The following CFAP46 variants were observed in gnomAD, a reference collection of about 807,000 sequenced individuals.
CFAP46 encodes the protein cilia and flagella associated protein 46, also known as cilia- and flagella-associated protein 46.
CFAP46 carries 245 observed loss-of-function variants against 325.7 expected under a neutral mutation model. That is an observed-to-expected ratio of 0.75 (90% CI 0.68 to 0.84). The LOEUF (loss-of-function observed/expected upper bound fraction) is 0.84, where lower values mean the gene tolerates loss of function less well. CFAP46 is among the 40% of genes least tolerant of loss of function. The pLI is 0.00. For synonymous variants in CFAP46, 1,523 were observed against 1,495.9 expected (o/e 1.02, Z -0.42); for missense variants, 3,346 against 3,543.0 (o/e 0.94, Z 1.41).
intron 3 of CFAP46, 149 bp from the exon 4 acceptor site, chr10:132,941,209 C>T: frequency 3.7e-6 from 3 of 812,982 alleles, no homozygotes; most frequent in South Asian, 3.2e-5. Context: ...CAGACACAGC[C>T]TGAGTGTCGT....
At chr10:132,822,778 G>T (rs1847899185) in intron 50 of CFAP46, among the ~76,000 whole-genome samples, 1 of 137,702 alleles carries the variant, frequency 7.3e-6, no homozygotes, top group Non-Finnish European at 1.6e-5. Context: ...TGCTGTGTGT[G>T]CACTTGTGTG....
chr10:132,890,242 C>T (rs558359583), intron 25 of CFAP46, among the ~76,000 whole-genome samples: 2 of 152,146 alleles, frequency 1.3e-5, no homozygotes, highest in African/African-American at 2.4e-5. Context: ...CTCCTCTGCC[C>T]GAGCCACGTA....
chr10:132,917,371 G>A (rs1174719357), intron 16 of CFAP46, among the ~76,000 whole-genome samples: 2 of 152,228 alleles, frequency 1.3e-5, no homozygotes, highest in Non-Finnish European at 2.9e-5. Context: ...CAGCGCGGTG[G>A]CTGCGAGCTC....
chr10:132,919,197 C>CA lies in CFAP46; in HGVS notation c.1858+117dup. 9.2e-7 allele frequency: 1 copy of CA among 1,086,768 alleles called. No individual in the cohort carries two copies. The highest frequency in any genetic ancestry group is 1.3e-6 in the Non-Finnish European group (1 of 789,812). The allele number at this position is 1,086,768 out of a possible 1,614,324, so 67.3% of individuals were successfully genotyped here. A position where few individuals can be genotyped will look rare whatever the true frequency, so the allele number is the denominator to read the frequency against. ...GGGAACTGCTACCATTGTGACTTAG[C>CA]AATACGCTTTCTCATGCGAAGGCCC... On this transcript the variant is annotated intron_variant, in intron 15 of 57. Transcript: ENST00000368586. This position sits in a 1 kb window ranked among gnomAD's most constrained non-coding sequence, Gnocchi z 9.7.
intron 50 of CFAP46, among the ~76,000 whole-genome samples, chr10:132,819,502 T>C (rs1009022937): frequency 2.0e-5 from 3 of 152,186 alleles, no homozygotes; most frequent in African/African-American, 7.2e-5. Flanking sequence ...GCAACAAAGC[T>C]ATAGTAATCA....
intron 24 of CFAP46, among the ~76,000 whole-genome samples, chr10:132,897,485 CCGCATAT>C (rs1306084471): frequency 2.6e-5 from 4 of 152,240 alleles, no homozygotes; most frequent in African/African-American, 7.2e-5. Context: ...TTGGTAGGAA[CCGCATAT>C]CTAGGTCAGC....
rs759347786 is a variant in CFAP46 at position 132,886,750 on chromosome 10, C to T, written c.3305-791G>A. ...TTTACCTCAAGGATTCCAAGAGCCC[C>T]GGGAGATCCAAAACATCAAACCAAG... On this transcript the variant is annotated intron_variant, in intron 25 of 57. Transcript: ENST00000368586. This position sits in a 1 kb window ranked among gnomAD's most constrained non-coding sequence, Gnocchi z 5.8. 5.3e-5 allele frequency among the ~76,000 whole-genome samples: 8 copies of T among 152,274 alleles called. No homozygotes were observed. Among genetic ancestry groups the T allele is most frequent in the African/African-American group, 9.6e-5 (4 of 41,546 alleles).
intron 44 of CFAP46, among the ~76,000 whole-genome samples, chr10:132,837,438 C>T (rs961822815): frequency 1.3e-5 from 2 of 151,244 alleles, no homozygotes; most frequent in Admixed American, 6.6e-5. Flanking sequence ...GACACCCACC[C>T]GTGCATAGAC....
intron 27 of CFAP46, among the ~76,000 whole-genome samples, chr10:132,881,648 C>T (rs1849044499): frequency 6.6e-6 from 1 of 151,926 alleles, no homozygotes; most frequent in Admixed American, 6.6e-5. Context: ...CCGGGGTTAG[C>T]CTGCACCGCA....
rs752735905 is a variant in CFAP46, at chr10:132,885,802, C to A, written c.3443+19G>T. The A allele has an allele frequency of 6.6e-7, 1 of 1,521,944 alleles. No homozygotes were observed. Among genetic ancestry groups the A allele is most frequent in the East Asian group, 2.5e-5 (1 of 40,466 alleles). The allele number at this position is 1,521,944 out of a possible 1,614,324, so 94.3% of individuals were successfully genotyped here. ...AGGCGGTGGAGGGAGCACTCACAGG[C>A]GGTGGGGGGAGCACTCACAGGCGGT... is the stretch of plus-strand genomic sequence containing the variant. On this transcript the variant is annotated intron_variant, in intron 26 of 57. Coordinates refer to ENST00000368586, the MANE Select transcript of CFAP46 (RefSeq NM_001200049.3).
chr10:132,860,705 C>T lies in CFAP46; in HGVS notation c.5091+77G>A, dbSNP rs141986967. 2.2e-4 allele frequency: 317 copies of T among 1,457,870 alleles called. No individual in the cohort carries two copies. In the African/African-American group the frequency reaches 3.8e-3, roughly 17 times the overall value. The allele number at this position is 1,457,870 out of a possible 1,614,324, so 90.3% of individuals were successfully genotyped here. Reference sequence around the variant, plus strand: ...TCATCAGCGGTCTGCCAGGCAGAGCCCCATGGACGCCCTTCCTCTCCACCA... The same window carrying T: ...TCATCAGCGGTCTGCCAGGCAGAGCTCCATGGACGCCCTTCCTCTCCACCA... On this transcript the variant is annotated intron_variant, in intron 36 of 57. Coordinates refer to ENST00000368586, the MANE Select transcript of CFAP46 (RefSeq NM_001200049.3).
intron 45 of CFAP46, 35 bp downstream of exon 45, chr10:132,836,782 C>A: frequency 1.3e-6 from 2 of 1,575,576 alleles, no homozygotes; most frequent in Non-Finnish European, 8.7e-7. Context: ...TCTCAGCGGG[C>A]TGGGGGCGGC....
chr10:132,925,330 C>T (rs2135641819), intron 10 of CFAP46, among the ~76,000 whole-genome samples: 1 of 152,388 alleles, frequency 6.6e-6, no homozygotes, highest in Admixed American at 6.5e-5. Context: ...CTGGACCGCC[C>T]ACCGTCCTGG....
intron 50 of CFAP46, among the ~76,000 whole-genome samples, chr10:132,822,485 C>CACT (rs1170024334): frequency 2.5e-4 from 26 of 105,728 alleles, no homozygotes; most frequent in South Asian, 3.4e-4. Flanking sequence ...GCTGTGTGTG[C>CACT]TGTGTGTGCT....
chr10:132,922,433 T>C lies in CFAP46; in HGVS notation c.1485+47A>G, dbSNP rs767619320. The C allele has an allele frequency of 2.9e-5, 44 of 1,500,298 alleles. No individual in the cohort carries two copies. The Middle Eastern group carries it at 7.0e-4, about 24-fold the overall frequency. 92.9% of individuals were successfully genotyped at this position (1,500,298 alleles called of 1,614,324 possible). A position where few individuals can be genotyped will look rare whatever the true frequency, so the allele number is the denominator to read the frequency against. Reference sequence around the variant, plus strand: ...CCCTCAGAGCCCCGCCCCGGCCCCATGCTGGGGCTGCAGCACCCAGCCTCC... The same window carrying C: ...CCCTCAGAGCCCCGCCCCGGCCCCACGCTGGGGCTGCAGCACCCAGCCTCC... On this transcript the variant is annotated intron_variant, in intron 12 of 57. Transcript: ENST00000368586.
rs557072596 is a variant in CFAP46, at chr10:132,876,845, G to A, written c.4329C>T (p.Asp1443=). The change falls in exon 31 of 58, where the codon GAC becomes GAT. Residue 1443 remains aspartate, a synonymous_variant. Transcript: ENST00000368586. This position sits in a 1 kb window ranked among gnomAD's most constrained non-coding sequence, Gnocchi z 4.1. Reference sequence around the variant, plus strand: ...GGATACTTGAGGGGTTCACAGTAGAGTCACTTCTGTCCTGTTTCAGTACAG... The same window carrying A: ...GGATACTTGAGGGGTTCACAGTAGAATCACTTCTGTCCTGTTTCAGTACAG... ...VLSVLKQDRS[D]STVNPSSIQK... is the part of the protein sequence containing the mutation. The A allele has an allele frequency of 3.2e-6, 5 of 1,550,328 alleles. No individual in the cohort carries two copies. The highest frequency in any genetic ancestry group is 2.4e-5 in the South Asian group (2 of 84,032).
At chr10:132,833,635 G>T in intron 49 of CFAP46, 110 bp from the exon 50 acceptor site, 3 of 1,216,072 alleles carry the variant, frequency 2.5e-6, no homozygotes, top group Non-Finnish European at 3.5e-6. Context: ...AAGGCTGGCA[G>T]CCCGCCTTGA....
rs533451445 is a variant in CFAP46 at position 132,879,619 on chromosome 10, G to A, written c.3812C>T (p.Ala1271Val). Reference protein sequence around the residue: ...PQPTPDGEYVAVEMPPRSPVS... With the variant: ...PQPTPDGEYVVVEMPPRSPVS... ...GGGGCTCCGTGGGGGCATCTCCACA[G>A]CCACGTACTCCCCTGAAACACGGGG... Residue 1271 changes from alanine to valine, a missense_variant, in exon 29 of 58, where the codon GCT (alanine) becomes GTT (valine). Physicochemically the swap from Ala to Val is moderately conservative, Grantham distance 64. Transcript: ENST00000368586. 5.5e-4 allele frequency: 848 copies of A among 1,534,068 alleles called. 2 individuals carry two copies. Among genetic ancestry groups the A allele is most frequent in the Non-Finnish European group, 7.0e-4 (798 of 1,139,866 alleles).
intron 50 of CFAP46, among the ~76,000 whole-genome samples, chr10:132,820,557 CTGA>C (rs754706162): frequency 5.1e-5 from 7 of 137,980 alleles, no homozygotes; most frequent in Non-Finnish European, 9.4e-5. Flanking sequence ...GCTGTGTGTG[CTGA>C]TGTGTGCTGT....
Sources: gnomAD v4.1 joint callset for allele counts (sites outside exome capture counted in the v4.1 genomes callset) on GRCh38, gnomAD v4.1.1 for gene constraint, Gnocchi (gnomAD v3.1) non-coding constraint, MANE v1.5 for transcripts, NCBI Gene and HGNC (gene_info 2026-07-23, HGNC 2026-07-21) for gene names.